ELOVL6: variants seen among roughly 807,000 people sequenced by gnomAD.
ELOVL6 encodes the protein ELOVL fatty acid elongase 6, also known as very long chain fatty acid elongase 6.
A neutral mutation model predicts 31.7 loss-of-function variants in ELOVL6; 8 were observed. The observed-to-expected ratio is 0.25, with a 90% CI of 0.15 to 0.45. ELOVL6 has a LOEUF of 0.45. Among genes scored for constraint, ELOVL6 ranks in the 20% least tolerant of loss-of-function variants. The pLI is 1.00. For synonymous variants in ELOVL6, 101 were observed against 117.7 expected (o/e 0.86, Z 0.92); for missense variants, 126 against 326.4 (o/e 0.39, Z 4.73).
chr4:110,082,868 G>A (rs1157050530), intron 2 of ELOVL6, among the ~76,000 whole-genome samples: 2 of 152,120 alleles, frequency 1.3e-5, no homozygotes, highest in Non-Finnish European at 2.9e-5. Context: ...AGAGAATATG[G>A]ACTCAACAAT....
At chr4:110,174,544 G>T (rs1759045207) in intron 1 of ELOVL6, among the ~76,000 whole-genome samples, 1 of 152,042 alleles carries the variant, frequency 6.6e-6, no homozygotes, top group Non-Finnish European at 1.5e-5. Context: ...AAGGTCAAAT[G>T]GTATCTCTTT....
At position 110,046,029 on chromosome 4, in the gene ELOVL6, TG is replaced by T. The variant is rs1560794187; in HGVS notation, c.*5308del. 6.6e-6 allele frequency: 1 copy of T among 152,106 alleles called. No homozygotes were observed. The highest frequency in any genetic ancestry group is 1.5e-5 in the Non-Finnish European group (1 of 68,030). The allele number at this position is 152,106 out of a possible 1,614,324, so 9.4% of individuals were successfully genotyped here. A position where few individuals can be genotyped will look rare whatever the true frequency, so the allele number is the denominator to read the frequency against. ...ATGGGCTCTGAGGTCCCCAAGAAGCTGAATCTTCCAGTGGTTTTCAAGATAG... is the reference window on the plus strand; with the variant it reads ...ATGGGCTCTGAGGTCCCCAAGAAGCTAATCTTCCAGTGGTTTTCAAGATAG... On this transcript the variant is annotated 3_prime_UTR_variant, in exon 4 of 4. Coordinates refer to ENST00000302274, the MANE Select transcript of ELOVL6 (RefSeq NM_024090.3).
chr4:110,107,793 A>C (rs1221699697), intron 1 of ELOVL6, among the ~76,000 whole-genome samples: 1 of 152,182 alleles, frequency 6.6e-6, no homozygotes, highest in Non-Finnish European at 1.5e-5. Context: ...CTAATTTATA[A>C]AGGTAATAAG....
intron 1 of ELOVL6, among the ~76,000 whole-genome samples, chr4:110,119,694 A>T (rs1390563615): frequency 6.6e-6 from 1 of 152,186 alleles, no homozygotes; most frequent in Non-Finnish European, 1.5e-5. Context: ...GCCCCTTCAC[A>T]GATTCAAAGC....
At chr4:110,070,315 T>C (rs899457723) in intron 2 of ELOVL6, among the ~76,000 whole-genome samples, 1 of 152,198 alleles carries the variant, frequency 6.6e-6, no homozygotes, top group Non-Finnish European at 1.5e-5. Context: ...ATGATGCTTA[T>C]ATGAACCAAA....
chr4:110,142,673 C>A (rs1275327120), intron 1 of ELOVL6, among the ~76,000 whole-genome samples: 2 of 152,212 alleles, frequency 1.3e-5, no homozygotes, highest in Admixed American at 1.3e-4. Flanking sequence ...GTAGATCATG[C>A]CATTTCCTCA....
chr4:110,157,365 ATACTC>A (rs1479583926), intron 1 of ELOVL6, among the ~76,000 whole-genome samples: 1 of 152,154 alleles, frequency 6.6e-6, no homozygotes, highest in Non-Finnish European at 1.5e-5. Context: ...AAGTGACTGA[ATACTC>A]TAAAATATGT....
intron 2 of ELOVL6, among the ~76,000 whole-genome samples, chr4:110,082,422 T>G (rs1388759445): frequency 1.1e-4 from 17 of 151,598 alleles, no homozygotes; most frequent in Non-Finnish European, 2.2e-4. Flanking sequence ...CCATAAAAAA[T>G]GATGAGTTCA....
chr4:110,076,239 GAA>G (rs1235471625), intron 2 of ELOVL6, among the ~76,000 whole-genome samples: 1 of 152,194 alleles, frequency 6.6e-6, no homozygotes, highest in African/African-American at 2.4e-5. Flanking sequence ...AAGTGCTGAA[GAA>G]AAGAGATAAA....
intron 1 of ELOVL6, among the ~76,000 whole-genome samples, chr4:110,159,722 C>T (rs1040711736): frequency 1.2e-4 from 19 of 152,164 alleles, no homozygotes; most frequent in African/African-American, 4.3e-4. Flanking sequence ...ACAGAGAATG[C>T]AAAGTCACCC....
intron 1 of ELOVL6, among the ~76,000 whole-genome samples, chr4:110,188,394 T>G (rs1315828502): frequency 6.6e-6 from 1 of 152,142 alleles, no homozygotes; most frequent in Non-Finnish European, 1.5e-5. Flanking sequence ...GATTGAATAT[T>G]ATATTAATAT....
At chr4:110,159,706 A>G (rs1247392025) in intron 1 of ELOVL6, among the ~76,000 whole-genome samples, 1 of 152,176 alleles carries the variant, frequency 6.6e-6, no homozygotes, top group Non-Finnish European at 1.5e-5. Flanking sequence ...GGTGTTTCTA[A>G]CAGTTACAGA....
chr4:110,165,529 T>C (rs961403516), intron 1 of ELOVL6, among the ~76,000 whole-genome samples: 5 of 152,180 alleles, frequency 3.3e-5, no homozygotes, highest in Admixed American at 1.3e-4. Context: ...ACAGGAGGGA[T>C]GAGCTCAGGT....
intron 1 of ELOVL6, chr4:110,117,928 C>CT (rs1560830594): frequency 1.9e-3 from 21 of 10,814 alleles, no homozygotes; most frequent in African/African-American, 6.1e-3. Flanking sequence ...ATATATATCT[C>CT]CCCAGAGAGG....
intron 2 of ELOVL6, among the ~76,000 whole-genome samples, chr4:110,082,727 T>G (rs1198403225): frequency 6.6e-6 from 1 of 152,110 alleles, no homozygotes; most frequent in Admixed American, 6.5e-5. Flanking sequence ...ACATGTACCC[T>G]AAAACTCAAA....
At chr4:110,070,115 C>T (rs1311603681) in intron 2 of ELOVL6, among the ~76,000 whole-genome samples, 1 of 152,194 alleles carries the variant, frequency 6.6e-6, no homozygotes, top group African/African-American at 2.4e-5. Flanking sequence ...CTTCCCTTGC[C>T]TTTTCTTCTT....
At chr4:110,145,690 G>A (rs1464313714) in intron 1 of ELOVL6, among the ~76,000 whole-genome samples, 1 of 70,494 alleles carries the variant, frequency 1.4e-5, no homozygotes, top group Non-Finnish European at 2.7e-5. Flanking sequence ...CTTAGTCAGA[G>A]ACTGTCTAAA....
At chr4:110,081,759 A>C (rs955336282) in intron 2 of ELOVL6, among the ~76,000 whole-genome samples, 2 of 150,188 alleles carry the variant, frequency 1.3e-5, no homozygotes, top group African/African-American at 2.4e-5. Context: ...TAATTAAACT[A>C]AAGAGCTTCT....
chr4:110,147,278 TAAAA>T (rs34418243), intron 1 of ELOVL6: 56 of 129,466 alleles, frequency 4.3e-4, no homozygotes, highest in Middle Eastern at 3.8e-3. Flanking sequence ...CAATTAAAAG[TAAAA>T]AAAAAAAAAA....
Sources: gnomAD v4.1 joint callset for allele counts (sites outside exome capture counted in the v4.1 genomes callset) on GRCh38, gnomAD v4.1.1 for gene constraint, MANE v1.5 for transcripts, NCBI Gene and HGNC (gene_info 2026-07-23, HGNC 2026-07-21) for gene names.